The following CDIN1 variants were observed in gnomAD, a reference collection of about 807,000 sequenced individuals.
The protein encoded by CDIN1 is CDAN1 interacting nuclease 1, also known as CDAN1-interacting nuclease 1.
In CDIN1, 33 loss-of-function variants were observed where a neutral mutation model predicts 45.3. The observed-to-expected ratio is 0.73, with a 90% CI of 0.55 to 0.97. CDIN1 has a LOEUF of 0.97. Among genes scored for constraint, CDIN1 ranks in the 50% least tolerant of loss-of-function variants. The pLI, the probability that CDIN1 is intolerant of heterozygous loss-of-function variation, is 0.00. For missense variants in CDIN1, 303 were observed against 339.4 expected (o/e 0.89, Z 0.84); for synonymous variants, 118 against 124.4 (o/e 0.95, Z 0.34).
At chr15:36,640,845 A>G (rs1266748829) in intron 1 of CDIN1, among the ~76,000 whole-genome samples, 2 of 152,256 alleles carry the variant, frequency 1.3e-5, no homozygotes, top group Admixed American at 6.5e-5. Flanking sequence ...TTAGTTAAAT[A>G]TCACATGAGG....
chr15:36,788,092 A>AT (rs2054540462), intron 10 of CDIN1, among the ~76,000 whole-genome samples: 1 of 42,142 alleles, frequency 2.4e-5, no homozygotes, highest in African/African-American at 1.1e-4. Flanking sequence ...ATATATATAT[A>AT]TATATATATA....
intron 1 of CDIN1, among the ~76,000 whole-genome samples, chr15:36,585,546 G>C (rs2037255521): frequency 6.6e-6 from 1 of 152,130 alleles, no homozygotes; most frequent in Non-Finnish European, 1.5e-5. Context: ...GAGTACCCTG[G>C]AAGTGATGGT....
intron 5 of CDIN1, among the ~76,000 whole-genome samples, chr15:36,681,618 A>G (rs1335225877): frequency 6.6e-6 from 1 of 152,202 alleles, no homozygotes; most frequent in African/African-American, 2.4e-5. Context: ...TGATGAAACC[A>G]TTGAATGTCA....
Position 36,691,865 on chromosome 15 carries a change from A to G in CDIN1, c.426+101A>G, listed in dbSNP as rs561770527. On this transcript the variant is annotated intron_variant, in intron 6 of 10. Transcript: ENST00000566621. Reference sequence around the variant, plus strand: ...TTAATTACTGTCATCATAAACTATCACTGAGGTCAGGGTGCACCATAAATG... The same window carrying G: ...TTAATTACTGTCATCATAAACTATCGCTGAGGTCAGGGTGCACCATAAATG... 6.1e-6 allele frequency: 6 copies of G among 982,614 alleles called. No individual in the cohort carries two copies. The African/African-American group carries it at 9.7e-5, about 16-fold the overall frequency. 60.9% of individuals were successfully genotyped at this position (982,614 alleles called of 1,614,324 possible).
chr15:36,710,302 A>G (rs1251495608), intron 10 of CDIN1, among the ~76,000 whole-genome samples: 2 of 152,288 alleles, frequency 1.3e-5, no homozygotes, highest in African/African-American at 4.8e-5. Flanking sequence ...TGTGAAATTT[A>G]TGCTTACTCA....
intron 10 of CDIN1, among the ~76,000 whole-genome samples, chr15:36,714,065 G>T (rs941407076): frequency 1.3e-5 from 2 of 152,146 alleles, no homozygotes; most frequent in Non-Finnish European, 2.9e-5. Flanking sequence ...TGAGGAATTT[G>T]TCAGGCATTG....
At chr15:36,584,904 A>T (rs1027749198) in intron 1 of CDIN1, among the ~76,000 whole-genome samples, 17 of 152,224 alleles carry the variant, frequency 1.1e-4, no homozygotes, top group Admixed American at 3.9e-4. Context: ...ATAATGTTGA[A>T]CAAAATAACG....
At chr15:36,583,782 T>C (rs7342621) in intron 1 of CDIN1, among the ~76,000 whole-genome samples, 132,524 of 152,212 alleles carry the variant, frequency 0.87, 57,791 homozygotes, top group Middle Eastern at 0.96. Context: ...TTTGGGAGGC[T>C]GAGGCGGGCA....
At chr15:36,762,642 A>G (rs8042454) in intron 10 of CDIN1, among the ~76,000 whole-genome samples, 14 of 149,606 alleles carry the variant, frequency 9.4e-5, no homozygotes, top group East Asian at 4.1e-4. Flanking sequence ...ATCCCTCCCC[A>G]CTCCCACCAC....
intron 1 of CDIN1, among the ~76,000 whole-genome samples, chr15:36,608,874 C>T (rs2038506718): frequency 6.6e-6 from 1 of 151,912 alleles, no homozygotes; most frequent in Non-Finnish European, 1.5e-5. Context: ...GTTAGGCATG[C>T]TTTTAATTTT....
chr15:36,709,705 T>C, intron 9 of CDIN1, 151 bp from the exon 10 acceptor site: 3 of 588,808 alleles, frequency 5.1e-6, no homozygotes, highest in Non-Finnish European at 9.1e-6. Context: ...AATGAACATA[T>C]ACAGTGTGTT....
At chr15:36,654,512 CCAA>C in intron 4 of CDIN1, among the ~76,000 whole-genome samples, 1 of 59,198 alleles carries the variant, frequency 1.7e-5, no homozygotes, top group South Asian at 4.3e-4. Flanking sequence ...GAGATGGATG[CCAA>C]AAAAAAAAAA....
intron 10 of CDIN1, among the ~76,000 whole-genome samples, chr15:36,758,373 G>A (rs1191894641): frequency 6.6e-6 from 1 of 152,048 alleles, no homozygotes; most frequent in Non-Finnish European, 1.5e-5. Flanking sequence ...TTTCATTGGG[G>A]ACAATCTTTT....
At chr15:36,621,493 A>T (rs2039187653) in intron 1 of CDIN1, among the ~76,000 whole-genome samples, 1 of 152,182 alleles carries the variant, frequency 6.6e-6, no homozygotes, top group Admixed American at 6.5e-5. Flanking sequence ...ATTCATTTCT[A>T]TACACTATTT....
intron 10 of CDIN1, among the ~76,000 whole-genome samples, chr15:36,746,777 T>TTTTTTTG (rs71126235): frequency 7.1e-6 from 1 of 141,294 alleles, no homozygotes; most frequent in Non-Finnish European, 1.5e-5. Context: ...TTTTTTTTTT[T>TTTTTTTG]GAGACAGGGT....
intron 10 of CDIN1, among the ~76,000 whole-genome samples, chr15:36,748,621 C>T (rs924811346): frequency 3.3e-5 from 5 of 151,966 alleles, no homozygotes; most frequent in African/African-American, 1.2e-4. Flanking sequence ...GAGAAGTTAG[C>T]AGATATTTTT....
intron 10 of CDIN1, among the ~76,000 whole-genome samples, chr15:36,748,793 A>G (rs1308599550): frequency 1.3e-5 from 2 of 152,218 alleles, no homozygotes; most frequent in African/African-American, 2.4e-5. Context: ...TTTTAAAAAC[A>G]TCACCAACCA....
intron 3 of CDIN1, among the ~76,000 whole-genome samples, chr15:36,653,260 A>G (rs773233364): frequency 4.6e-5 from 7 of 152,238 alleles, no homozygotes; most frequent in Middle Eastern, 3.4e-3. Context: ...TGACATCTGA[A>G]TTGAATCATG....
chr15:36,660,806 G>C (rs1030330057), intron 5 of CDIN1, among the ~76,000 whole-genome samples: 4 of 152,110 alleles, frequency 2.6e-5, no homozygotes, highest in African/African-American at 9.7e-5. Flanking sequence ...AGCTCTGCAG[G>C]GACTGAGTAT....
Sources: gnomAD v4.1 joint callset for allele counts (sites outside exome capture counted in the v4.1 genomes callset) on GRCh38, gnomAD v4.1.1 for gene constraint, MANE v1.5 for transcripts, NCBI Gene and HGNC (gene_info 2026-07-23, HGNC 2026-07-21) for gene names.